Variants in JCHAIN observed in about 807,000 individuals in gnomAD.
JCHAIN encodes the protein immunoglobulin J chain.
JCHAIN carries 5 observed loss-of-function variants against 11.1 expected under a neutral mutation model. That is an observed-to-expected ratio of 0.45 (90% CI 0.24 to 0.95). JCHAIN has a LOEUF of 0.95. Ranked by LOEUF, JCHAIN falls within the 40% of genes least tolerant of loss-of-function variation. JCHAIN has a pLI of 0.21. For missense variants in JCHAIN, 165 were observed against 192.7 expected, an observed-to-expected ratio of 0.86 and a Z score of 0.85; for synonymous variants, 51 against 67.8, an observed-to-expected ratio of 0.75 and a Z score of 1.22.
intron 3 of JCHAIN, among the ~76,000 whole-genome samples, chr4:70,656,834 A>G (rs1290627707): frequency 6.6e-6 from 1 of 152,210 alleles, no homozygotes; most frequent in Non-Finnish European, 1.5e-5. Context: ...ATATCTGTCT[A>G]AACAAGTTAT....
In JCHAIN at chr4:70,660,856, T is replaced by C. The variant is rs545099048; in HGVS notation, c.188+1236A>G. 1.1e-4 allele frequency among the ~76,000 whole-genome samples: 17 copies of C among 152,314 alleles called. No homozygotes were observed. The East Asian group carries it at 2.1e-3, about 19-fold the overall frequency. On this transcript the variant is annotated intron_variant, in intron 2 of 3. Transcript: ENST00000254801. ...CAGGATGGTGACAATAATTGGCACA[T>C]AGATTAGGTGAATAAATAATAGTAA... is the stretch of plus-strand genomic sequence containing the variant.
rs1739071787 is a variant in JCHAIN at position 70,662,182 on chromosome 4, T to C, written c.98A>G (p.Asn33Ser). Residue 33 changes from asparagine to serine, a missense_variant, in exon 2 of 4, where the codon AAC becomes AGC. Transcript: ENST00000254801. ...QEDERIVLVD[N>S]KCKCARITSR... ...AGTAATCCGGGCACACTTACATTTG[T>C]TGTCAACAAGAACAATCCTTTCATC... 1.2e-6 allele frequency: 2 copies of C among 1,613,652 alleles called. No individual in the cohort carries two copies. The highest frequency in any genetic ancestry group is 1.7e-5 in the Admixed American group (1 of 60,010).
chr4:70,657,438 G>T, intron 2 of JCHAIN, 147 bp from the exon 3 acceptor site: 1 of 392,216 alleles, frequency 2.5e-6, no homozygotes, highest in Non-Finnish European at 4.5e-6. Flanking sequence ...CCGTTACTCA[G>T]ATTTTTATAG....
rs1165293283 is a variant in JCHAIN at position 70,666,504 on chromosome 4, C to T, written c.-14G>A. 1.2e-6 allele frequency: 2 copies of T among 1,608,212 alleles called. No individual in the cohort carries two copies. The highest frequency in any genetic ancestry group is 1.7e-5 in the Admixed American group (1 of 59,986). On this transcript the variant is annotated 5_prime_UTR_variant, in exon 1 of 4. Coordinates refer to ENST00000254801, the MANE Select transcript of JCHAIN (RefSeq NM_144646.4). ...ATGGTTCTTCATCTTGACTTCACTT[C>T]TTCTGAAAAACTGGAGCAAAAAAAG...
chr4:70,656,744 A>G (rs1738956817), intron 3 of JCHAIN, among the ~76,000 whole-genome samples: 1 of 152,216 alleles, frequency 6.6e-6, no homozygotes, highest in Admixed American at 6.5e-5. Context: ...AGTAAGCAAT[A>G]TAATTAATGA....
At chr4:70,659,465 G>A (rs945144261) in intron 2 of JCHAIN, among the ~76,000 whole-genome samples, 1 of 137,168 alleles carries the variant, frequency 7.3e-6, no homozygotes, top group Non-Finnish European at 1.5e-5. Flanking sequence ...CAGAAGAATT[G>A]CTTGAACCTG....
In JCHAIN at chr4:70,656,446, C is replaced by G; in HGVS notation, c.363G>C (p.Glu121Asp). 1 of 1,613,660 alleles carries G rather than the reference C, an allele frequency of 6.2e-7. No homozygotes were observed. Among genetic ancestry groups the G allele is most frequent in the African/African-American group, 1.3e-5 (1 of 75,040 alleles). ...TGTTTCTGTCATAAGTGTAGCAGGT[C>G]TCTGTAGCACTGTCTTCATCACAGA... ...SNICDEDSAT[E>D]TCYTYDRNKC... The change falls in exon 4 of 4, where the codon GAG becomes GAC. Residue 121 changes from glutamate (E) to aspartate (D), a missense_variant. Transcript: ENST00000254801.
intron 1 of JCHAIN, among the ~76,000 whole-genome samples, chr4:70,663,795 A>G (rs1164995058): frequency 2.0e-5 from 3 of 151,430 alleles, no homozygotes; most frequent in Non-Finnish European, 4.4e-5. Context: ...TCCTGACCTC[A>G]GGTGATCCAC....
intron 1 of JCHAIN, 140 bp downstream of exon 1, chr4:70,666,287 A>G (rs543140564): frequency 4.9e-5 from 30 of 613,010 alleles, no homozygotes; most frequent in Middle Eastern, 3.3e-4. Context: ...GACAACTGCC[A>G]TAGAAAGATG....
chr4:70,659,184 T>G (rs1739008425), intron 2 of JCHAIN, among the ~76,000 whole-genome samples: 1 of 152,056 alleles, frequency 6.6e-6, no homozygotes, highest in African/African-American at 2.4e-5. Flanking sequence ...TTTTTAAAGT[T>G]TAGGAAAAAG....
intron 2 of JCHAIN, among the ~76,000 whole-genome samples, chr4:70,660,208 G>C (rs540721795): frequency 6.6e-6 from 1 of 152,140 alleles, no homozygotes; most frequent in South Asian, 2.1e-4. Context: ...GGCAGGATCT[G>C]AGTGGTCAAA....
chr4:70,657,101 G>A (rs770838174), intron 3 of JCHAIN, 110 bp downstream of exon 3: 6 of 543,504 alleles, frequency 1.1e-5, no homozygotes, highest in Non-Finnish European at 1.6e-5. Context: ...GATTATGTTT[G>A]TAAATGTTTA....
chr4:70,665,272 T>C (rs1739129842), intron 1 of JCHAIN, among the ~76,000 whole-genome samples: 1 of 152,196 alleles, frequency 6.6e-6, no homozygotes, highest in South Asian at 2.1e-4. Context: ...TTACTTCACC[T>C]CTGTAAGTCT....
At chr4:70,659,590 G>A (rs903983606) in intron 2 of JCHAIN, among the ~76,000 whole-genome samples, 18 of 130,188 alleles carry the variant, frequency 1.4e-4, no homozygotes, top group Non-Finnish European at 1.6e-4. Context: ...AGCCAGGCAC[G>A]GTGGCTCATG....
intron 2 of JCHAIN, among the ~76,000 whole-genome samples, chr4:70,660,539 A>G (rs1246536930): frequency 6.6e-6 from 1 of 151,848 alleles, no homozygotes; most frequent in Non-Finnish European, 1.5e-5. Flanking sequence ...ACCTGCCACC[A>G]CGCCCGGATA....
chr4:70,659,001 C>T (rs982758342), intron 2 of JCHAIN, among the ~76,000 whole-genome samples: 5 of 152,138 alleles, frequency 3.3e-5, no homozygotes, highest in East Asian at 1.9e-4. Context: ...AATAAACATT[C>T]GTTGAATGAA....
At chr4:70,658,918 T>G (rs892639937) in intron 2 of JCHAIN, among the ~76,000 whole-genome samples, 2 of 152,214 alleles carry the variant, frequency 1.3e-5, no homozygotes, top group African/African-American at 4.8e-5. Flanking sequence ...TATAAATTCT[T>G]TTAAGAAATG....
intron 1 of JCHAIN, among the ~76,000 whole-genome samples, chr4:70,664,927 A>G (rs545243802): frequency 6.6e-6 from 1 of 152,368 alleles, no homozygotes; most frequent in East Asian, 1.9e-4. Context: ...CAGAAAAGTT[A>G]CAAATACTTT....
intron 1 of JCHAIN, among the ~76,000 whole-genome samples, chr4:70,663,753 G>C (rs1739101221): frequency 1.3e-5 from 2 of 150,330 alleles, no homozygotes; most frequent in Admixed American, 6.6e-5. Flanking sequence ...TAGAGACCGA[G>C]TTTCACCATG....
Sources: gnomAD v4.1 joint callset for allele counts (sites outside exome capture counted in the v4.1 genomes callset) on GRCh38, gnomAD v4.1.1 for gene constraint, MANE v1.5 for transcripts, NCBI Gene and HGNC (gene_info 2026-07-23, HGNC 2026-07-21) for gene names.